GRID2: variants seen among roughly 807,000 people sequenced by gnomAD.
The protein encoded by GRID2 is glutamate ionotropic receptor delta type subunit 2.
GRID2 carries 33 observed loss-of-function variants against 114.8 expected under a neutral mutation model. The ratio of observed to expected loss-of-function variants is 0.29; its 90% CI spans 0.22 to 0.38. The LOEUF (loss-of-function observed/expected upper bound fraction) is 0.38, where lower values mean the gene tolerates loss of function less well. Ranked by LOEUF, GRID2 falls within the 10% of genes least tolerant of loss-of-function variation. The pLI is 1.00. For synonymous variants in GRID2, 505 were observed against 449.9 expected (o/e 1.12, Z -1.55); for missense variants, 1,184 against 1,257.7 (o/e 0.94, Z 0.89).
In GRID2 at chr4:93,182,890, T is replaced by A. The variant is rs1162070582; in HGVS notation, c.736-24514T>A. ...CCTGGCAAAGTGTTAGAAAGCAAATTCTTGGGCACCAGCCCAGACCTACTG... is the reference window on the plus strand; with the variant it reads ...CCTGGCAAAGTGTTAGAAAGCAAATACTTGGGCACCAGCCCAGACCTACTG... On this transcript the variant is annotated intron_variant, in intron 4 of 15. Coordinates refer to ENST00000282020, the MANE Select transcript of GRID2 (RefSeq NM_001510.4). 2.6e-5 allele frequency among the ~76,000 whole-genome samples: 4 copies of A among 152,302 alleles called. No individual in the cohort carries two copies. In the East Asian group the frequency reaches 7.7e-4, roughly 29 times the overall value.
At chr4:92,521,084 T>G (rs1166963740) in intron 1 of GRID2, among the ~76,000 whole-genome samples, 1 of 151,934 alleles carries the variant, frequency 6.6e-6, no homozygotes, top group Non-Finnish European at 1.5e-5. Context: ...GAACAAAAAC[T>G]ACCTCAATAA....
intron 1 of GRID2, among the ~76,000 whole-genome samples, chr4:92,546,019 A>T (rs1726237937): frequency 6.6e-6 from 1 of 152,088 alleles, no homozygotes; most frequent in Non-Finnish European, 1.5e-5. Context: ...CTTTTACATG[A>T]TTTACTTTTT....
Position 93,631,216 on chromosome 4 carries a change from C to CTT in GRID2, c.2360+4790_2360+4791dup, listed in dbSNP as rs201119171. 7.7e-4 allele frequency among the ~76,000 whole-genome samples: 116 copies of CTT among 149,944 alleles called. 1 individual carries two copies. Among genetic ancestry groups the CTT allele is most frequent in the Middle Eastern group, 3.4e-3 (1 of 290 alleles). On this transcript the variant is annotated intron_variant, in intron 14 of 15. Transcript: ENST00000282020. The stretch of plus-strand genomic sequence containing the variant: ...TTTCAAATAAACACTTAGGGATTCT[C>CTT]TTTTTTTTTTATTATTATACTTTAA...
chr4:92,521,704 T>C (rs1724789709), intron 1 of GRID2, among the ~76,000 whole-genome samples: 1 of 151,868 alleles, frequency 6.6e-6, no homozygotes, highest in African/African-American at 2.4e-5. Flanking sequence ...CGAATCATGT[T>C]GGTTAATAAA....
rs552219375 is a variant in GRID2, at chr4:92,553,841, G to A, written c.89-36290G>A. ...AATTTTCTGTATTTTTAGTAGAGAC[G>A]GGCTTTTGCCACGTTAGCCAGAGTG... is the stretch of plus-strand genomic sequence containing the variant. On this transcript the variant is annotated intron_variant, in intron 1 of 15. Coordinates refer to ENST00000282020, the MANE Select transcript of GRID2 (RefSeq NM_001510.4). 4.6e-5 allele frequency among the ~76,000 whole-genome samples: 7 copies of A among 152,050 alleles called. No homozygotes were observed. The South Asian group carries it at 1.2e-3, about 27-fold the overall frequency.
intron 10 of GRID2, among the ~76,000 whole-genome samples, chr4:93,426,206 T>C (rs937469068): frequency 1.3e-5 from 2 of 152,184 alleles, no homozygotes; most frequent in African/African-American, 4.8e-5. Context: ...TATAGAATTG[T>C]ATTGGAAAGC....
intron 2 of GRID2, among the ~76,000 whole-genome samples, chr4:92,951,423 G>T (rs963778946): frequency 6.6e-6 from 1 of 151,532 alleles, no homozygotes; most frequent in South Asian, 2.1e-4. Flanking sequence ...GTCACACCTC[G>T]CTGCAGCCTG....
chr4:92,983,804 A>G (rs1754354694), intron 2 of GRID2, among the ~76,000 whole-genome samples: 1 of 152,114 alleles, frequency 6.6e-6, no homozygotes, highest in South Asian at 2.1e-4. Context: ...ATAAGGGCAC[A>G]CTGAAATAAA....
intron 14 of GRID2, among the ~76,000 whole-genome samples, chr4:93,632,873 T>C (rs1721056571): frequency 6.6e-6 from 1 of 152,210 alleles, no homozygotes; most frequent in Non-Finnish European, 1.5e-5. Flanking sequence ...TCCATTTGTT[T>C]GTGTCCTCTT....
intron 2 of GRID2, among the ~76,000 whole-genome samples, chr4:92,896,588 C>T (rs567348257): frequency 6.6e-6 from 1 of 150,846 alleles, no homozygotes; most frequent in Admixed American, 6.6e-5. Flanking sequence ...AATTGAAAAA[C>T]TGATGTAGTC....
intron 1 of GRID2, among the ~76,000 whole-genome samples, chr4:92,586,206 GA>G (rs1263973355): frequency 6.6e-6 from 1 of 151,884 alleles, no homozygotes; most frequent in Non-Finnish European, 1.5e-5. Context: ...CCAAGAAGGA[GA>G]AAAATCTTCG....
intron 8 of GRID2, among the ~76,000 whole-genome samples, chr4:93,365,883 C>A (rs143618878): frequency 0.012 from 1,872 of 152,208 alleles, 42 homozygotes; most frequent in African/African-American, 0.043. Flanking sequence ...CAAATTAATA[C>A]TTTTATAATT....
At chr4:93,287,903 C>T (rs528667144) in intron 8 of GRID2, among the ~76,000 whole-genome samples, 2 of 152,220 alleles carry the variant, frequency 1.3e-5, no homozygotes, top group African/African-American at 4.8e-5. Flanking sequence ...GCTCATAATG[C>T]GTTTTGAGTA....
intron 7 of GRID2, among the ~76,000 whole-genome samples, chr4:93,232,873 T>C (rs1279879646): frequency 6.6e-6 from 1 of 152,142 alleles, no homozygotes; most frequent in Non-Finnish European, 1.5e-5. Flanking sequence ...AACAAATATT[T>C]ATTGAATACT....
chr4:92,832,447 G>A (rs1422989670), intron 2 of GRID2, among the ~76,000 whole-genome samples: 1 of 152,048 alleles, frequency 6.6e-6, no homozygotes, highest in Non-Finnish European at 1.5e-5. Context: ...AGGCTGCAGT[G>A]CAGTGACGCA....
chr4:93,249,307 A>C (rs1748565268), intron 8 of GRID2, among the ~76,000 whole-genome samples: 1 of 152,142 alleles, frequency 6.6e-6, no homozygotes, highest in African/African-American at 2.4e-5. Flanking sequence ...AGGTAGCAAG[A>C]TGCCTCCAGC....
chr4:92,838,934 C>T (rs967316570), intron 2 of GRID2: 5 of 152,130 alleles, frequency 3.3e-5, no homozygotes, highest in South Asian at 2.1e-4. Context: ...TTAGACTAGT[C>T]TTTATGTGAG....
chr4:93,274,359 C>T (rs570973606), intron 8 of GRID2, among the ~76,000 whole-genome samples: 1 of 152,102 alleles, frequency 6.6e-6, no homozygotes, highest in African/African-American at 2.4e-5. Flanking sequence ...TTTACACTTT[C>T]TGTCCTACAA....
chr4:93,759,601 A>G (rs530358176), intron 14 of GRID2, among the ~76,000 whole-genome samples: 1 of 152,356 alleles, frequency 6.6e-6, no homozygotes, highest in South Asian at 2.1e-4. Context: ...GTTGACTTAC[A>G]TTAAGTAAGG....
Sources: gnomAD v4.1 joint callset for allele counts (sites outside exome capture counted in the v4.1 genomes callset) on GRCh38, gnomAD v4.1.1 for gene constraint, MANE v1.5 for transcripts, NCBI Gene and HGNC (gene_info 2026-07-23, HGNC 2026-07-21) for gene names.